PLCB4: variants seen among roughly 807,000 people sequenced by gnomAD.
PLCB4 encodes 1-phosphatidylinositol 4,5-bisphosphate phosphodiesterase beta-4.
A neutral mutation model predicts 178.8 loss-of-function variants in PLCB4; 77 were observed. The ratio of observed to expected loss-of-function variants is 0.43; its 90% CI spans 0.36 to 0.52. PLCB4 has a LOEUF of 0.52. Ranked by LOEUF, PLCB4 falls within the 20% of genes least tolerant of loss-of-function variation. The probability of loss-of-function intolerance (pLI) is 0.00; values close to 1 mark genes in which losing one functional copy is unlikely to be tolerated. For synonymous variants in PLCB4, 496 were observed against 490.8 expected (o/e 1.01, Z -0.14); for missense variants, 1,024 against 1,453.4 (o/e 0.70, Z 4.80).
intron 2 of PLCB4, among the ~76,000 whole-genome samples, chr20:9,208,089 G>A (rs976616420): frequency 3.3e-5 from 5 of 152,142 alleles, no homozygotes; most frequent in African/African-American, 1.2e-4. Flanking sequence ...CCACCATCTT[G>A]TGCTGTATAA....
intron 18 of PLCB4, among the ~76,000 whole-genome samples, chr20:9,394,764 T>G (rs984840174): frequency 2.0e-5 from 3 of 152,176 alleles, no homozygotes; most frequent in Non-Finnish European, 4.4e-5. Context: ...TATATTGTGA[T>G]ATAGTTTGTT....
chr20:9,440,347 G>T (rs973286235), intron 30 of PLCB4, among the ~76,000 whole-genome samples: 11 of 152,156 alleles, frequency 7.2e-5, no homozygotes. Context: ...TAAATATTTC[G>T]TGTAACTTAT....
At chr20:9,174,395 T>C (rs1314158028) in intron 2 of PLCB4, among the ~76,000 whole-genome samples, 1 of 151,836 alleles carries the variant, frequency 6.6e-6, no homozygotes, top group African/African-American at 2.4e-5. Flanking sequence ...ATCCTCTACC[T>C]CTACCTCCCA....
At chr20:9,335,866 A>G (rs1342581278) in intron 4 of PLCB4, among the ~76,000 whole-genome samples, 2 of 152,182 alleles carry the variant, frequency 1.3e-5, no homozygotes, top group African/African-American at 4.8e-5. Flanking sequence ...ACATAAATAC[A>G]TACAGTAATA....
At chr20:9,272,189 C>CA (rs398035324) in intron 3 of PLCB4, among the ~76,000 whole-genome samples, 20,580 of 141,450 alleles carry the variant, frequency 0.15, 2,144 homozygotes, top group East Asian at 0.33. Flanking sequence ...GCACCCCCCT[C>CA]AAAAAAAAAA....
chr20:9,231,828 C>A (rs1025658145), intron 3 of PLCB4, among the ~76,000 whole-genome samples: 3 of 152,086 alleles, frequency 2.0e-5, no homozygotes, highest in Admixed American at 6.6e-5. Flanking sequence ...TGAAAACTTA[C>A]ATCCACACAA....
At chr20:9,219,647 C>T (rs534213361) in intron 3 of PLCB4, among the ~76,000 whole-genome samples, 1 of 152,174 alleles carries the variant, frequency 6.6e-6, no homozygotes, top group East Asian at 1.9e-4. Flanking sequence ...TCCATATGTC[C>T]CTCCATCCTC....
chr20:9,241,960 T>G (rs931745249), intron 3 of PLCB4, among the ~76,000 whole-genome samples: 1 of 152,216 alleles, frequency 6.6e-6, no homozygotes, highest in Admixed American at 6.5e-5. Context: ...AACTCAGCTC[T>G]GTTCCATGTG....
intron 2 of PLCB4, among the ~76,000 whole-genome samples, chr20:9,141,762 AG>A (rs1214110344): frequency 2.0e-5 from 3 of 152,112 alleles, no homozygotes; most frequent in Non-Finnish European, 4.4e-5. Flanking sequence ...AGGGAATAAT[AG>A]GAATTAAATG....
intron 4 of PLCB4, among the ~76,000 whole-genome samples, chr20:9,331,121 G>A (rs2031577446): frequency 6.6e-6 from 1 of 152,150 alleles, no homozygotes; most frequent in African/African-American, 2.4e-5. Context: ...GCAAACCCAG[G>A]AACCAACCAC....
intron 2 of PLCB4, among the ~76,000 whole-genome samples, chr20:9,190,623 T>C (rs2093389563): frequency 6.6e-6 from 1 of 152,172 alleles, no homozygotes; most frequent in Non-Finnish European, 1.5e-5. Context: ...TGATTAACCA[T>C]CAGGATTTGC....
In PLCB4 at chr20:9,408,977, C is replaced by CCTTTGTTGTTTTAGCT. The variant is rs1302175508; in HGVS notation, c.1875-68_1875-53dup. The CCTTTGTTGTTTTAGCT allele has an allele frequency of 1.2e-5, 16 of 1,298,138 alleles. No individual in the cohort carries two copies. In the African/African-American group the frequency reaches 1.5e-4, roughly 12 times the overall value. The allele number at this position is 1,298,138 out of a possible 1,614,324, so 80.4% of individuals were successfully genotyped here. A position where few individuals can be genotyped will look rare whatever the true frequency, so the allele number is the denominator to read the frequency against. ...ACTTGTTTGTCATTGTTGGCCTAGA[C>CCTTTGTTGTTTTAGCT]CTTTGTTGTTTTAGCTCTTTGTTGT... On this transcript the variant is annotated intron_variant, in intron 23 of 39. Transcript: ENST00000378473.
intron 3 of PLCB4, among the ~76,000 whole-genome samples, chr20:9,250,645 G>A (rs1199273465): frequency 5.3e-5 from 8 of 152,210 alleles, no homozygotes; most frequent in Non-Finnish European, 8.8e-5. Flanking sequence ...TTGCAGGTGA[G>A]GGATTCAACT....
intron 4 of PLCB4, among the ~76,000 whole-genome samples, chr20:9,326,220 A>G (rs2030534493): frequency 6.6e-6 from 1 of 152,186 alleles, no homozygotes; most frequent in Admixed American, 6.5e-5. Flanking sequence ...TTTATTTTTT[A>G]AATATATAAT....
intron 19 of PLCB4, among the ~76,000 whole-genome samples, chr20:9,398,689 GTAT>G (rs11469240): frequency 0.34 from 50,472 of 150,166 alleles, 8,589 homozygotes; most frequent in African/African-American, 0.41. Context: ...GATGAAATGG[GTAT>G]TATTATTATT....
At chr20:9,468,757 A>G (rs751949632) in intron 36 of PLCB4, 85 bp downstream of exon 36, 27 of 706,886 alleles carry the variant, frequency 3.8e-5, no homozygotes, top group Admixed American at 1.1e-4. Context: ...ACACACACAC[A>G]CAACTGAGAC....
intron 7 of PLCB4, among the ~76,000 whole-genome samples, chr20:9,354,498 C>T (rs1283731925): frequency 1.3e-5 from 2 of 152,162 alleles, no homozygotes; most frequent in Admixed American, 6.5e-5. Flanking sequence ...ATGCAGATTA[C>T]TGGGCCCTGC....
At chr20:9,419,975 A>G in intron 26 of PLCB4, 66 bp downstream of exon 26, 1 of 949,632 alleles carries the variant, frequency 1.1e-6, no homozygotes. Context: ...AAGAAATTAT[A>G]AAATATTGAA....
At chr20:9,142,755 G>T (rs573387391) in intron 2 of PLCB4, among the ~76,000 whole-genome samples, 1 of 152,228 alleles carries the variant, frequency 6.6e-6, no homozygotes, top group African/African-American at 2.4e-5. Context: ...TTGCCCATCT[G>T]CAGTCTGTTC....
Sources: gnomAD v4.1 joint callset for allele counts (sites outside exome capture counted in the v4.1 genomes callset) on GRCh38, gnomAD v4.1.1 for gene constraint, MANE v1.5 for transcripts, NCBI Gene and HGNC (gene_info 2026-07-23, HGNC 2026-07-21) for gene names.